Variants in SLC9A9 observed in about 807,000 individuals in gnomAD.
The protein encoded by SLC9A9 is solute carrier family 9 member A9.
In SLC9A9, 62 loss-of-function variants were observed where a neutral mutation model predicts 77.8. That is an observed-to-expected ratio of 0.80 (90% CI 0.65 to 0.98). The LOEUF (loss-of-function observed/expected upper bound fraction) is 0.98, where lower values mean the gene tolerates loss of function less well. Ranked by LOEUF, SLC9A9 falls within the 50% of genes least tolerant of loss-of-function variation. The pLI, the probability that SLC9A9 is intolerant of heterozygous loss-of-function variation, is 0.00. For synonymous variants in SLC9A9, 320 were observed against 283.5 expected (o/e 1.13, Z -1.29); for missense variants, 775 against 774.9 (o/e 1.00, Z 0.00).
At chr3:143,431,932 C>T (rs1390903108) in intron 12 of SLC9A9, among the ~76,000 whole-genome samples, 2 of 152,140 alleles carry the variant, frequency 1.3e-5, no homozygotes, top group Admixed American at 1.3e-4. Flanking sequence ...CTAAAATGCT[C>T]TTCCTCCTCC....
intron 12 of SLC9A9, among the ~76,000 whole-genome samples, chr3:143,460,298 G>C (rs142337075): frequency 1.3e-4 from 20 of 152,248 alleles, no homozygotes; most frequent in Non-Finnish European, 2.5e-4. Flanking sequence ...GCTTTGTTCA[G>C]TGTTTTTAGC....
chr3:143,390,583 G>A, intron 12 of SLC9A9, among the ~76,000 whole-genome samples: 1 of 152,180 alleles, frequency 6.6e-6, no homozygotes, highest in East Asian at 1.9e-4. Context: ...CATCTCACTG[G>A]GGCTTGTCGG....
chr3:143,382,933 A>G (rs1391728374), intron 12 of SLC9A9, among the ~76,000 whole-genome samples: 2 of 152,208 alleles, frequency 1.3e-5, no homozygotes, highest in Non-Finnish European at 2.9e-5. Context: ...GTTGGAAGGC[A>G]TTAAAGCACT....
At chr3:143,799,827 C>G (rs1354569655) in intron 2 of SLC9A9, among the ~76,000 whole-genome samples, 1 of 152,202 alleles carries the variant, frequency 6.6e-6, no homozygotes, top group Non-Finnish European at 1.5e-5. Context: ...GTAACTCTCA[C>G]AGTGGAGGGT....
intron 11 of SLC9A9, among the ~76,000 whole-genome samples, chr3:143,482,908 G>A (rs1223765943): frequency 6.6e-6 from 1 of 152,188 alleles, no homozygotes; most frequent in Non-Finnish European, 1.5e-5. Flanking sequence ...CTAGGGCTAT[G>A]CTCAAGGGCA....
chr3:143,345,975 A>AAGG (rs1199203060), intron 14 of SLC9A9, among the ~76,000 whole-genome samples: 1 of 152,164 alleles, frequency 6.6e-6, no homozygotes, highest in Non-Finnish European at 1.5e-5. Context: ...TTGTCTATAG[A>AAGG]AGGAGGAAAA....
intron 5 of SLC9A9, among the ~76,000 whole-genome samples, chr3:143,692,469 TGA>T (rs1325702561): frequency 6.6e-6 from 1 of 152,172 alleles, no homozygotes; most frequent in Admixed American, 6.6e-5. Flanking sequence ...CCAGTCATGA[TGA>T]GAGAGTGGGT....
intron 13 of SLC9A9, among the ~76,000 whole-genome samples, chr3:143,372,162 A>G (rs2033073173): frequency 6.6e-6 from 1 of 152,216 alleles, no homozygotes; most frequent in Admixed American, 6.5e-5. Context: ...TATAGATCCA[A>G]TGTAGTTCCT....
chr3:143,646,036 G>A (rs2038702117), intron 6 of SLC9A9, among the ~76,000 whole-genome samples: 1 of 151,942 alleles, frequency 6.6e-6, no homozygotes, highest in Admixed American at 6.6e-5. Context: ...TCTATCATGG[G>A]TAGCAAAAGA....
chr3:143,601,428 T>C (rs1031362391), intron 6 of SLC9A9, among the ~76,000 whole-genome samples: 1 of 152,228 alleles, frequency 6.6e-6, no homozygotes, highest in African/African-American at 2.4e-5. Context: ...GTGGTAAGCT[T>C]CATTTTGTAG....
intron 4 of SLC9A9, among the ~76,000 whole-genome samples, chr3:143,720,595 G>A (rs1182657533): frequency 6.6e-6 from 1 of 152,166 alleles, no homozygotes; most frequent in African/African-American, 2.4e-5. Context: ...TCCTTGAAAT[G>A]TCTCCTAGGC....
chr3:143,349,538 C>T (rs2032392066), intron 14 of SLC9A9, among the ~76,000 whole-genome samples: 2 of 152,312 alleles, frequency 1.3e-5, no homozygotes, highest in Non-Finnish European at 2.9e-5. Context: ...TCACAAACAT[C>T]CTGCAAGATA....
intron 14 of SLC9A9, among the ~76,000 whole-genome samples, chr3:143,312,896 C>A (rs2031071107): frequency 6.6e-6 from 1 of 152,204 alleles, no homozygotes; most frequent in African/African-American, 2.4e-5. Flanking sequence ...ATCTTCCATC[C>A]CCAAGAACAT....
At chr3:143,717,681 C>G (rs563764109) in intron 4 of SLC9A9, among the ~76,000 whole-genome samples, 3 of 152,246 alleles carry the variant, frequency 2.0e-5, no homozygotes, top group South Asian at 2.1e-4. Context: ...CTGGCCTAGT[C>G]CCTTTTTGCA....
At chr3:143,834,273 C>A (rs188863117) in intron 1 of SLC9A9, among the ~76,000 whole-genome samples, 87 of 152,314 alleles carry the variant, frequency 5.7e-4, no homozygotes, top group African/African-American at 1.3e-3. Flanking sequence ...GCACAGTAGG[C>A]AACCTTCCAT....
intron 8 of SLC9A9, among the ~76,000 whole-genome samples, chr3:143,559,750 G>C (rs1559967723): frequency 6.6e-6 from 1 of 151,986 alleles, no homozygotes; most frequent in Non-Finnish European, 1.5e-5. Flanking sequence ...CTACTCATAA[G>C]AACTTAGTTT....
At chr3:143,814,793 G>T (rs2008962127) in intron 2 of SLC9A9, among the ~76,000 whole-genome samples, 1 of 152,116 alleles carries the variant, frequency 6.6e-6, no homozygotes, top group Admixed American at 6.5e-5. Context: ...GCTGAAAAAA[G>T]GAGTTTAAGG....
intron 12 of SLC9A9, among the ~76,000 whole-genome samples, chr3:143,393,260 A>G (rs928852227): frequency 3.3e-5 from 5 of 152,244 alleles, no homozygotes; most frequent in African/African-American, 1.2e-4. Context: ...CAGTTTGACC[A>G]CAGTGCAATC....
At chr3:143,381,212 C>T (rs1226188049) in intron 13 of SLC9A9, 1 of 152,190 alleles carries the variant, frequency 6.6e-6, no homozygotes, top group Non-Finnish European at 1.5e-5. Flanking sequence ...TGAATTCTAA[C>T]TCCCACAATT....
Sources: allele counts gnomAD v4.1 joint callset (sites outside exome capture counted in the v4.1 genomes callset), GRCh38; gene constraint gnomAD v4.1.1; transcripts MANE v1.5; gene names NCBI Gene and HGNC (gene_info 2026-07-23, HGNC 2026-07-21).